NPHS1: variants seen among roughly 807,000 people sequenced by gnomAD.
NPHS1 encodes NPHS1 adhesion molecule, nephrin, also known as nephrin.
Under a neutral mutation model 139.7 loss-of-function variants are expected in NPHS1, and 107 were observed. That is an observed-to-expected ratio of 0.77 (90% CI 0.66 to 0.90). The LOEUF is 0.90. Among genes scored for constraint, NPHS1 ranks in the 40% least tolerant of loss-of-function variants. The pLI is 0.00. For synonymous variants in NPHS1, 707 were observed against 706.6 expected, an observed-to-expected ratio of 1.00 and a Z score of -0.01; for missense variants, 1,580 against 1,654.2, an observed-to-expected ratio of 0.96 and a Z score of 0.78.
In NPHS1 at chr19:35,845,454, C is replaced by T; in HGVS notation, c.1844G>A (p.Arg615His). 1 of 1,614,148 alleles carries T rather than the reference C, an allele frequency of 6.2e-7. No homozygotes were observed. Among genetic ancestry groups the T allele is most frequent in the East Asian group, 2.2e-5 (1 of 44,884 alleles). ...GCAGGTCACGCGCTGGCCATGATCG[C>T]GGGATGACACTTGCAGAAGGACGCT... is the stretch of plus-strand genomic sequence containing the variant. Reference protein sequence around the residue: ...ARSVLLQVSSRDHGQRVTCRA... With the variant: ...ARSVLLQVSSHDHGQRVTCRA... Residue 615 changes from arginine to histidine, a missense_variant, in exon 14 of 29, where the codon CGC becomes CAC. Physicochemically the swap from Arg to His is conservative, Grantham distance 29. Transcript: ENST00000378910. This position sits in a 1 kb window ranked among gnomAD's most constrained non-coding sequence, Gnocchi z 5.5.
intron 4 of NPHS1, 136 bp downstream of exon 4, chr19:35,850,825 A>T: frequency 8.3e-7 from 1 of 1,199,006 alleles, no homozygotes. Context: ...GCATCTCCCC[A>T]CACCTTCTCC....
intron 11 of NPHS1, 74 bp from the exon 12 acceptor site, chr19:35,846,268 C>A: frequency 6.8e-7 from 1 of 1,473,234 alleles, no homozygotes; most frequent in South Asian, 1.2e-5. Context: ...CCTACCCTGC[C>A]CACTGGGTTG....
intron 25 of NPHS1, 50 bp downstream of exon 25, chr19:35,831,426 C>G: frequency 6.2e-7 from 1 of 1,612,888 alleles, no homozygotes; most frequent in Non-Finnish European, 8.5e-7. Flanking sequence ...CCACCAGTCT[C>G]CCCCAAACCT....
At position 35,825,402 on chromosome 19, in the gene NPHS1, T is replaced by C. The variant is rs1972788015; in HGVS notation, c.*1112A>G. Among the ~76,000 whole-genome samples the C allele has an allele frequency of 1.3e-5, 2 of 152,144 alleles. No individual in the cohort carries two copies. The highest frequency in any genetic ancestry group is 2.4e-5 in the African/African-American group (1 of 41,428). On this transcript the variant is annotated 3_prime_UTR_variant, in exon 29 of 29. Coordinates refer to ENST00000378910, the MANE Select transcript of NPHS1 (RefSeq NM_004646.4). ...TTTTAAAATCACTTTTATTGAGATA[T>C]CATTTATGTACAATAAAAATGCACC... is the stretch of plus-strand genomic sequence containing the variant.
rs1470336543 is a variant in NPHS1 at position 35,839,258 on chromosome 19, G to A, written c.3088C>T (p.Gln1030Ter). Residue 1030 changes from glutamine (Q) to a stop codon, truncating the protein, a stop_gained, in exon 22 of 29, where the codon CAG (glutamine) becomes TAG (stop). Transcript: ENST00000378910. LOFTEE classifies it high-confidence loss of function. ...CCACCTGGGGTAGTGATGGGAAGCT[G>A]GGTCCCTTTGTCAGCCAGTCCACTG... ...GDSGLADKGT[Q>*]LPITTPGLHQ... is the part of the protein sequence containing the mutation. 1 of 1,614,158 alleles carries A rather than the reference G, an allele frequency of 6.2e-7. No homozygotes were observed. Among genetic ancestry groups the A allele is most frequent in the South Asian group, 1.1e-5 (1 of 91,074 alleles).
chr19:35,848,003 A>G (rs1187466095), intron 11 of NPHS1, 38 bp downstream of exon 11: 2 of 1,609,444 alleles, frequency 1.2e-6, no homozygotes, highest in Non-Finnish European at 1.7e-6. Flanking sequence ...CTTCCCCCAC[A>G]TTCCTGGCCA....
At chr19:35,850,916 A>G in intron 4 of NPHS1, 45 bp downstream of exon 4, 2 of 1,611,582 alleles carry the variant, frequency 1.2e-6, no homozygotes, top group Non-Finnish European at 1.7e-6. Flanking sequence ...TTCCCACTCC[A>G]GAGGCTTCAT....
chr19:35,828,424 C>A (rs1972829260), intron 28 of NPHS1, among the ~76,000 whole-genome samples: 1 of 152,228 alleles, frequency 6.6e-6, no homozygotes, highest in Non-Finnish European at 1.5e-5. Flanking sequence ...GCCACCACAC[C>A]CGGCTAACTT....
chr19:35,832,213 TC>T (rs1486687367), intron 23 of NPHS1, among the ~76,000 whole-genome samples: 1 of 152,136 alleles, frequency 6.6e-6, no homozygotes, highest in Non-Finnish European at 1.5e-5. Context: ...TCCTCAAATG[TC>T]CTTTCTTCTC....
In NPHS1 at chr19:35,848,312, G is replaced by T; in HGVS notation, c.1256C>A (p.Ala419Asp). Reference protein sequence around the residue: ...EDNGLTLTCEAFSEAFTKETF... With the variant: ...EDNGLTLTCEDFSEAFTKETF... ...CTCCTTGGTGAAGGCTTCACTGAAG[G>T]CCTCACATGTGAGGGTCAGACCGTT... The change falls in exon 10 of 29, where the codon GCC (alanine) becomes GAC (aspartate). Residue 419 changes from alanine to aspartate, a missense_variant. Physicochemically the swap from Ala to Asp is moderately radical, Grantham distance 126 (BLOSUM62 -2). Coordinates refer to ENST00000378910, the MANE Select transcript of NPHS1 (RefSeq NM_004646.4). The T allele has an allele frequency of 6.2e-7, 1 of 1,614,098 alleles. No homozygotes were observed. Among genetic ancestry groups the T allele is most frequent in the South Asian group, 1.1e-5 (1 of 91,076 alleles).
At position 35,845,006 on chromosome 19, in the gene NPHS1, G is replaced by A. The variant is rs747680428; in HGVS notation, c.1930+362C>T. Among the ~76,000 whole-genome samples the A allele has an allele frequency of 1.1e-4, 17 of 152,250 alleles. No homozygotes were observed. Among genetic ancestry groups the A allele is most frequent in the Admixed American group, 2.6e-4 (4 of 15,286 alleles). The stretch of plus-strand genomic sequence containing the variant: ...AAATCAGCCTAGCATAGTGGCACGC[G>A]CCTGTAATCCCAGCACTTTGAGAGG... On this transcript the variant is annotated intron_variant, in intron 14 of 28. Transcript: ENST00000378910. This position sits in a 1 kb window ranked among gnomAD's most constrained non-coding sequence, Gnocchi z 5.5.
chr19:35,836,607 G>T (rs1345157217), intron 22 of NPHS1, among the ~76,000 whole-genome samples: 3 of 152,210 alleles, frequency 2.0e-5, no homozygotes, highest in Middle Eastern at 3.4e-3. Flanking sequence ...CTGGAGTGGG[G>T]TGGGGGGAAG....
Position 35,846,199 on chromosome 19 carries a change from G to C in NPHS1, c.1441-5C>G. Reference sequence around the variant, plus strand: ...CTCGGTCACGGTGCGCGAGTCCTACGGGCCGGGAGTGACTGGGGTTCGCAG... The same window carrying C: ...CTCGGTCACGGTGCGCGAGTCCTACCGGCCGGGAGTGACTGGGGTTCGCAG... On this transcript the variant is annotated splice_region_variant and splice_polypyrimidine_tract_variant and intron_variant, in intron 11 of 28. Transcript: ENST00000378910. 2 of 1,579,794 alleles carry C rather than the reference G, an allele frequency of 1.3e-6. No homozygotes were observed. Among genetic ancestry groups the C allele is most frequent in the Non-Finnish European group, 1.7e-6 (2 of 1,166,094 alleles).
Position 35,834,333 on chromosome 19 carries a change from G to A in NPHS1, c.3166+1372C>T, listed in dbSNP as rs143927731. On this transcript the variant is annotated intron_variant, in intron 23 of 28. Transcript: ENST00000378910. The stretch of plus-strand genomic sequence containing the variant: ...TGACTATCAGAAGTGTGGGAAGGGG[G>A]CAACCCTAGACCACCCAGTCCAGTG... Among the ~76,000 whole-genome samples the A allele has an allele frequency of 1.9e-3, 295 of 152,274 alleles. 1 individual carries two copies. The highest frequency in any genetic ancestry group is 6.5e-3 in the African/African-American group (271 of 41,562).
At chr19:35,840,106 G>A (rs1599840411) in intron 20 of NPHS1, among the ~76,000 whole-genome samples, 1 of 150,918 alleles carries the variant, frequency 6.6e-6, no homozygotes, top group East Asian at 1.9e-4. Context: ...CTGGGTTCAA[G>A]CAATTCTCCT....
At chr19:35,841,539 T>C (rs1461946533) in intron 20 of NPHS1, among the ~76,000 whole-genome samples, 176 bp downstream of exon 20, 2 of 152,152 alleles carry the variant, frequency 1.3e-5, no homozygotes, top group Admixed American at 6.5e-5. Flanking sequence ...GCCTTTGTTG[T>C]GGGTCTTCCT....
intron 28 of NPHS1, among the ~76,000 whole-genome samples, chr19:35,828,871 C>T (rs1972835328): frequency 6.6e-6 from 1 of 152,204 alleles, no homozygotes; most frequent in Admixed American, 6.6e-5. Context: ...CCATGGACAG[C>T]GCTTTGCGCC....
At chr19:35,835,059 G>A (rs962776470) in intron 23 of NPHS1, among the ~76,000 whole-genome samples, 6 of 151,184 alleles carry the variant, frequency 4.0e-5, no homozygotes, top group African/African-American at 1.2e-4. Flanking sequence ...AATTAGCCAG[G>A]TGTGGTGGCA....
chr19:35,843,907 A>C, intron 16 of NPHS1, 196 bp downstream of exon 16: 1 of 791,138 alleles, frequency 1.3e-6, no homozygotes, highest in Non-Finnish European at 2.0e-6. Flanking sequence ...CTCTCTGGGC[A>C]GAGATTCCAC....
Sources: allele counts gnomAD v4.1 joint callset (sites outside exome capture counted in the v4.1 genomes callset), GRCh38; gene constraint gnomAD v4.1.1; non-coding constraint Gnocchi (gnomAD v3.1); transcripts MANE v1.5; gene names NCBI Gene and HGNC (gene_info 2026-07-23, HGNC 2026-07-21).